The following MTMR3 variants were observed in gnomAD, a reference collection of about 807,000 sequenced individuals.
MTMR3 encodes phosphatidylinositol-3,5-bisphosphate 3-phosphatase MTMR3.
Under a neutral mutation model 132.4 loss-of-function variants are expected in MTMR3, and 32 were observed. That is an observed-to-expected ratio of 0.24 (90% CI 0.18 to 0.32). The LOEUF (loss-of-function observed/expected upper bound fraction) is 0.32. Among genes scored for constraint, MTMR3 ranks in the 10% least tolerant of loss-of-function variants. MTMR3 has a pLI of 1.00. For synonymous variants in MTMR3, 556 were observed against 550.3 expected, an observed-to-expected ratio of 1.01 and a Z score of -0.14; for missense variants, 1,216 against 1,489.6, an observed-to-expected ratio of 0.82 and a Z score of 3.02.
chr22:29,889,282 A>C (rs1353851853), intron 1 of MTMR3, among the ~76,000 whole-genome samples: 3 of 145,400 alleles, frequency 2.1e-5, no homozygotes, highest in Non-Finnish European at 4.5e-5. Flanking sequence ...AAAGCTACGG[A>C]ACTTTTTTTT....
At chr22:30,014,348 C>G (rs867748593) in intron 14 of MTMR3, 1 of 152,258 alleles carries the variant, frequency 6.6e-6, no homozygotes, top group Non-Finnish European at 1.5e-5. Context: ...CCATTTGGCA[C>G]AGTTTAACCA....
chr22:29,932,646 A>G (rs150870506), intron 1 of MTMR3, among the ~76,000 whole-genome samples: 1 of 152,306 alleles, frequency 6.6e-6, no homozygotes, highest in Non-Finnish European at 1.5e-5. Context: ...TTTTGCCATA[A>G]GGAAAATAAT....
chr22:29,919,689 A>AT (rs1330965546), intron 1 of MTMR3, among the ~76,000 whole-genome samples: 2 of 151,632 alleles, frequency 1.3e-5, no homozygotes, highest in East Asian at 1.9e-4. Context: ...TGCCTAGCTA[A>AT]TAAAAAAAAA....
chr22:29,971,757 C>T (rs958667414), intron 3 of MTMR3, among the ~76,000 whole-genome samples: 4 of 151,986 alleles, frequency 2.6e-5, no homozygotes, highest in African/African-American at 9.7e-5. Flanking sequence ...TCGGGCCCAG[C>T]TCAAGCAGAG....
intron 9 of MTMR3, chr22:30,004,361 G>A (rs1361532971): frequency 6.6e-6 from 1 of 152,182 alleles, no homozygotes; most frequent in Non-Finnish European, 1.5e-5. Context: ...GGGGCTTGCT[G>A]ACTTTGACCA....
At position 30,017,986 on chromosome 22, in the gene MTMR3, C is replaced by T; in HGVS notation, c.1734C>T (p.Pro578=). 6.2e-7 allele frequency: 1 copy of T among 1,613,854 alleles called. No homozygotes were observed. Among genetic ancestry groups the T allele is most frequent in the Non-Finnish European group, 8.5e-7 (1 of 1,179,940 alleles). Residue 578 remains proline, a synonymous_variant, in exon 16 of 20, where the codon CCC becomes CCT. Coordinates refer to ENST00000401950, the MANE Select transcript of MTMR3 (RefSeq NM_021090.4). ...NLMLWSAVYL[P]CPSPTTPVDD... is the part of the protein sequence containing the mutation. ...TGCTGTGGAGTGCAGTGTACCTGCCCTGCCCATCCCCAACCACCCCTGTGG... is the reference window on the plus strand; with the variant it reads ...TGCTGTGGAGTGCAGTGTACCTGCCTTGCCCATCCCCAACCACCCCTGTGG...
intron 1 of MTMR3, among the ~76,000 whole-genome samples, chr22:29,911,170 C>T (rs2065204511): frequency 6.6e-6 from 1 of 152,138 alleles, no homozygotes; most frequent in South Asian, 2.1e-4. Context: ...GATCCCATGG[C>T]ACTGTGCCTT....
At chr22:30,010,292 A>G (rs1277659842) in intron 12 of MTMR3, 5 of 152,208 alleles carry the variant, frequency 3.3e-5, no homozygotes, top group South Asian at 4.1e-4. Context: ...AATCAACACT[A>G]CATGATCTAA....
intron 9 of MTMR3, chr22:30,003,781 A>C (rs961238522): frequency 2.6e-5 from 4 of 152,210 alleles, no homozygotes; most frequent in Admixed American, 6.5e-5. Context: ...AATTCATTGA[A>C]TATCTTAGTT....
At chr22:29,898,744 C>T (rs1248080824) in intron 1 of MTMR3, among the ~76,000 whole-genome samples, 1 of 152,100 alleles carries the variant, frequency 6.6e-6, no homozygotes, top group Non-Finnish European at 1.5e-5. Context: ...CCATCCTCTC[C>T]TCTCTGTTAG....
chr22:29,961,700 G>A (rs571146280), intron 2 of MTMR3, among the ~76,000 whole-genome samples: 1 of 152,280 alleles, frequency 6.6e-6, no homozygotes, highest in African/African-American at 2.4e-5. Context: ...TATAAAGTCT[G>A]TAGAAGTGTA....
In MTMR3 at chr22:29,911,479, G is replaced by C. The variant is rs535657315; in HGVS notation, c.-138+28120G>C. On this transcript the variant is annotated intron_variant, in intron 1 of 19. Transcript: ENST00000401950. ...GGTCCCTTGAGTCTGGAAGGTCAAGGTTGCAGTGAGCCATGATCACGATAC... is the reference window on the plus strand; with the variant it reads ...GGTCCCTTGAGTCTGGAAGGTCAAGCTTGCAGTGAGCCATGATCACGATAC... Among the ~76,000 whole-genome samples the C allele has an allele frequency of 2.0e-5, 3 of 152,216 alleles. No homozygotes were observed. The East Asian group carries it at 5.8e-4, about 29-fold the overall frequency.
intron 1 of MTMR3, among the ~76,000 whole-genome samples, chr22:29,933,136 T>A (rs1226654237): frequency 6.6e-6 from 1 of 151,998 alleles, no homozygotes; most frequent in Admixed American, 6.6e-5. Flanking sequence ...GTCTGGCTAA[T>A]TTTTTGTATT....
chr22:29,905,562 G>C (rs745585201), intron 1 of MTMR3, among the ~76,000 whole-genome samples: 1 of 152,198 alleles, frequency 6.6e-6, no homozygotes, highest in Non-Finnish European at 1.5e-5. Context: ...TTACAGGGTT[G>C]TATCTTTTGG....
At position 30,007,524 on chromosome 22, in the gene MTMR3, G is replaced by A; in HGVS notation, c.877+205G>A. ...TTCAAACCTGAATCAAGATATTAGT[G>A]TGTTTGTTGTCTTTCTTGCCATTGT... On this transcript the variant is annotated intron_variant, in intron 10 of 19. Transcript: ENST00000401950. The A allele has an allele frequency of 3.2e-6, 2 of 616,046 alleles. 1 individual carries two copies. The highest frequency in any genetic ancestry group is 4.1e-5 in the South Asian group (2 of 49,336). 38.2% of individuals were successfully genotyped at this position (616,046 alleles called of 1,614,324 possible).
At chr22:29,988,612 T>G in intron 6 of MTMR3, 50 bp downstream of exon 6, 1 of 1,383,920 alleles carries the variant, frequency 7.2e-7, no homozygotes, top group Admixed American at 1.9e-5. Flanking sequence ...AAAATATTTT[T>G]TAAAGAATGG....
chr22:29,938,209 A>G (rs189886550), intron 1 of MTMR3, among the ~76,000 whole-genome samples: 15 of 152,336 alleles, frequency 9.8e-5, no homozygotes, highest in Non-Finnish European at 1.6e-4. Context: ...GTTCTGAGAA[A>G]TCGTAACTGT....
At chr22:30,010,144 G>A (rs1398584900) in intron 12 of MTMR3, 1 of 152,200 alleles carries the variant, frequency 6.6e-6, no homozygotes, top group African/African-American at 2.4e-5. Context: ...CCAGCTAGCA[G>A]CGCTTTCTTC....
intron 1 of MTMR3, among the ~76,000 whole-genome samples, chr22:29,946,557 TGAG>T (rs1345839032): frequency 6.6e-6 from 1 of 152,100 alleles, no homozygotes; most frequent in Non-Finnish European, 1.5e-5. Flanking sequence ...TGAAGAAAAA[TGAG>T]GGAACAAGGA....
Sources: gnomAD v4.1 joint callset for allele counts (sites outside exome capture counted in the v4.1 genomes callset) on GRCh38, gnomAD v4.1.1 for gene constraint, MANE v1.5 for transcripts, NCBI Gene and HGNC (gene_info 2026-07-23, HGNC 2026-07-21) for gene names.